The following FHIT variants were observed in gnomAD, a reference collection of about 807,000 sequenced individuals.
FHIT encodes fragile histidine triad diadenosine triphosphatase.
A neutral mutation model predicts 17.9 loss-of-function variants in FHIT; 19 were observed. The ratio of observed to expected loss-of-function variants is 1.06; its 90% confidence interval spans 0.74 to 1.56. FHIT has a LOEUF of 1.56. Ranked by LOEUF, FHIT falls within the 40% of genes most tolerant of loss-of-function variation. The pLI is 0.00. For missense variants in FHIT, 248 were observed against 189.2 expected (o/e 1.31, Z -1.82); for synonymous variants, 81 against 69.7 (o/e 1.16, Z -0.81).
chr3:60,637,308 G>C (rs1374894315), intron 4 of FHIT, among the ~76,000 whole-genome samples: 1 of 151,956 alleles, frequency 6.6e-6, no homozygotes, highest in Non-Finnish European at 1.5e-5. Context: ...AATGCTTTTT[G>C]ATCAAAAATA....
intron 8 of FHIT, among the ~76,000 whole-genome samples, chr3:59,862,163 C>A (rs1338117056): frequency 6.6e-6 from 1 of 152,188 alleles, no homozygotes; most frequent in Non-Finnish European, 1.5e-5. Context: ...ACTCACAGCC[C>A]CACATGGTGG....
At chr3:60,630,685 C>T (rs531190934) in intron 4 of FHIT, among the ~76,000 whole-genome samples, 1 of 152,278 alleles carries the variant, frequency 6.6e-6, no homozygotes, top group African/African-American at 2.4e-5. Flanking sequence ...CCACTCAACA[C>T]TTACAGTTGA....
intron 5 of FHIT, among the ~76,000 whole-genome samples, chr3:60,220,562 C>T (rs1703914948): frequency 2.6e-5 from 4 of 151,934 alleles, no homozygotes; most frequent in Admixed American, 2.6e-4. Flanking sequence ...TTATGGTATA[C>T]AGTATTTTTT....
At chr3:60,336,667 C>T (rs1416842452) in intron 5 of FHIT, among the ~76,000 whole-genome samples, 1 of 152,212 alleles carries the variant, frequency 6.6e-6, no homozygotes, top group Admixed American at 6.5e-5. Flanking sequence ...TCCTCATTGT[C>T]CATGACCACA....
At chr3:59,909,819 G>A (rs140713355) in intron 8 of FHIT, among the ~76,000 whole-genome samples, 1 of 152,274 alleles carries the variant, frequency 6.6e-6, no homozygotes, top group African/African-American at 2.4e-5. Context: ...CTTAAAAAGT[G>A]ACCCCTGATG....
At chr3:60,356,656 G>A (rs112255698) in intron 5 of FHIT, among the ~76,000 whole-genome samples, 490 of 140,422 alleles carry the variant, frequency 3.5e-3, no homozygotes, top group African/African-American at 0.012. Flanking sequence ...AAAGAAAACC[G>A]AATACCAGAT....
intron 8 of FHIT, among the ~76,000 whole-genome samples, chr3:59,760,324 C>T (rs539985686): frequency 1.3e-5 from 2 of 152,094 alleles, no homozygotes; most frequent in Non-Finnish European, 2.9e-5. Context: ...AATAATTATG[C>T]CAAACCACTG....
intron 3 of FHIT, among the ~76,000 whole-genome samples, chr3:60,901,214 A>G (rs1191657163): frequency 1.3e-5 from 2 of 152,138 alleles, no homozygotes; most frequent in African/African-American, 4.8e-5. Context: ...TTAAAACTTC[A>G]ATGTTTTGTT....
At chr3:61,076,212 C>T (rs139675315) in intron 2 of FHIT, among the ~76,000 whole-genome samples, 64 of 152,260 alleles carry the variant, frequency 4.2e-4, no homozygotes, top group East Asian at 2.3e-3. Context: ...CAAAAACAAG[C>T]GATGCAGAGG....
intron 3 of FHIT, among the ~76,000 whole-genome samples, chr3:60,973,965 C>T (rs1710132691): frequency 6.6e-6 from 1 of 152,188 alleles, no homozygotes; most frequent in African/African-American, 2.4e-5. Flanking sequence ...TAAGTCAAAT[C>T]ACCTGTTTAT....
chr3:60,441,210 C>T (rs1481882885), intron 5 of FHIT, among the ~76,000 whole-genome samples: 1 of 152,028 alleles, frequency 6.6e-6, no homozygotes, highest in Middle Eastern at 3.2e-3. Flanking sequence ...CACCAATATT[C>T]GATGAATCAC....
intron 3 of FHIT, among the ~76,000 whole-genome samples, chr3:60,956,382 C>T (rs797028747): frequency 2.6e-5 from 4 of 152,228 alleles, no homozygotes; most frequent in African/African-American, 4.8e-5. Flanking sequence ...CTTTCAGATC[C>T]GAGGTTGAAA....
chr3:59,858,236 C>CTTTTTTTTTTTTTTTTTTTTTTTTT (rs563841299), intron 8 of FHIT, among the ~76,000 whole-genome samples: 1 of 84,454 alleles, frequency 1.2e-5, no homozygotes, highest in African/African-American at 5.2e-5. Flanking sequence ...TTCCCACCTT[C>CTTTTTTTTTTTTTTTTTTTTTTTTT]TTTTTTTTTT....
chr3:60,048,535 G>C (rs1337174787), intron 5 of FHIT, among the ~76,000 whole-genome samples: 2 of 152,160 alleles, frequency 1.3e-5, no homozygotes. Flanking sequence ...GGTACTGTGG[G>C]TTAGGGCTTC....
intron 8 of FHIT, among the ~76,000 whole-genome samples, chr3:59,843,830 TAC>T (rs1701619287): frequency 6.6e-6 from 1 of 152,088 alleles, no homozygotes; most frequent in African/African-American, 2.4e-5. Flanking sequence ...TCATCTGTAA[TAC>T]AGTTTGTATG....
chr3:59,899,983 T>C lies in FHIT; in HGVS notation c.348+22363A>G, dbSNP rs745629434. 8.8e-4 allele frequency among the ~76,000 whole-genome samples: 134 copies of C among 152,242 alleles called. 2 individuals carry two copies. The highest frequency in any genetic ancestry group is 1.8e-4 in the Non-Finnish European group (12 of 68,048). On this transcript the variant is annotated intron_variant, in intron 8 of 9. Coordinates refer to ENST00000492590, the MANE Select transcript of FHIT (RefSeq NM_002012.4). ...CCGGCCATAGGTAAACAAATGAGTA[T>C]GGCCATGTTCCAGTAAAACTTTACT... is the stretch of plus-strand genomic sequence containing the variant.
chr3:60,575,492 CTG>C (rs2037534665), intron 4 of FHIT, among the ~76,000 whole-genome samples: 1 of 152,084 alleles, frequency 6.6e-6, no homozygotes, highest in Non-Finnish European at 1.5e-5. Flanking sequence ...CCAATGGAAA[CTG>C]TAGAAACAGG....
intron 5 of FHIT, among the ~76,000 whole-genome samples, chr3:60,410,487 G>A (rs936236924): frequency 1.4e-4 from 21 of 152,054 alleles, no homozygotes; most frequent in East Asian, 1.2e-3. Flanking sequence ...ATTGTAATAC[G>A]TGATTTTAAA....
intron 5 of FHIT, among the ~76,000 whole-genome samples, chr3:60,226,071 G>T (rs991094439): frequency 6.6e-6 from 1 of 152,156 alleles, no homozygotes; most frequent in Admixed American, 6.5e-5. Context: ...GAGAAAGGGT[G>T]AGGAGATGTT....
Sources: allele counts gnomAD v4.1 joint callset (sites outside exome capture counted in the v4.1 genomes callset), GRCh38; gene constraint gnomAD v4.1.1; transcripts MANE v1.5; gene names NCBI Gene and HGNC (gene_info 2026-07-23, HGNC 2026-07-21).